The following KDM4C variants were observed in gnomAD, a reference collection of about 807,000 sequenced individuals.
KDM4C encodes lysine-specific demethylase 4C.
Under a neutral mutation model 129.3 loss-of-function variants are expected in KDM4C, and 81 were observed. The ratio of observed to expected loss-of-function variants is 0.63; its 90% CI spans 0.52 to 0.75. The LOEUF (loss-of-function observed/expected upper bound fraction) is 0.75. Ranked by LOEUF, KDM4C falls within the 30% of genes least tolerant of loss-of-function variation. KDM4C has a pLI of 0.00. For missense variants in KDM4C, 1,457 were observed against 1,304.0 expected (o/e 1.12, Z -1.81); for synonymous variants, 573 against 456.1 (o/e 1.26, Z -3.26).
chr9:7,026,560 G>C (rs770218574), intron 15 of KDM4C, among the ~76,000 whole-genome samples: 22 of 152,082 alleles, frequency 1.4e-4, no homozygotes, highest in Non-Finnish European at 2.9e-4. Flanking sequence ...AATGCCTTGG[G>C]ATAGTCTTCT....
chr9:6,861,896 C>T (rs946588384), intron 5 of KDM4C, among the ~76,000 whole-genome samples: 2 of 151,748 alleles, frequency 1.3e-5, no homozygotes, highest in East Asian at 1.9e-4. Context: ...CTCAGCCTTC[C>T]GAGTAGCTGG....
At chr9:6,823,221 T>C (rs530799452) in intron 4 of KDM4C, among the ~76,000 whole-genome samples, 1 of 152,320 alleles carries the variant, frequency 6.6e-6, no homozygotes, top group East Asian at 1.9e-4. Flanking sequence ...CTCATCTCTA[T>C]TCTCCATCGT....
rs915090473 is a variant in KDM4C, at chr9:7,049,030, C to T, written c.2316-62C>T. 10 of 1,083,266 alleles carry T rather than the reference C, an allele frequency of 9.2e-6. No individual in the cohort carries two copies. The African/African-American group carries it at 1.1e-4, about 12-fold the overall frequency. The allele number at this position is 1,083,266 out of a possible 1,614,324, so 67.1% of individuals were successfully genotyped here. On this transcript the variant is annotated intron_variant, in intron 16 of 21. Coordinates refer to ENST00000381309, the MANE Select transcript of KDM4C (RefSeq NM_015061.6). ...TTCCCATCTGTGAGAACTGGCATCA[C>T]CAAGTTGAAGTATGTAAGTTTAGGG...
chr9:6,764,787 T>C (rs530223531), intron 1 of KDM4C, among the ~76,000 whole-genome samples: 2 of 152,362 alleles, frequency 1.3e-5, no homozygotes, highest in Admixed American at 1.3e-4. Flanking sequence ...TGCTAATGAC[T>C]TCTTTTTTTA....
intron 15 of KDM4C, 58 bp downstream of exon 15, chr9:7,015,987 A>G (rs1823588162): frequency 1.6e-6 from 2 of 1,249,458 alleles, no homozygotes; most frequent in South Asian, 2.4e-5. Context: ...CACTGTGGAC[A>G]CATTTAAGTC....
chr9:7,002,969 T>C (rs555301801), intron 12 of KDM4C, among the ~76,000 whole-genome samples: 38 of 152,340 alleles, frequency 2.5e-4, no homozygotes, highest in Admixed American at 2.0e-3. Flanking sequence ...CAAGTGATTC[T>C]CCTGTCTCAG....
intron 21 of KDM4C, among the ~76,000 whole-genome samples, chr9:7,172,738 T>C (rs1039820476): frequency 6.6e-6 from 1 of 152,240 alleles, no homozygotes; most frequent in Non-Finnish European, 1.5e-5. Flanking sequence ...TCAGGCTTCC[T>C]TGTGGCTGTT....
intron 8 of KDM4C, chr9:6,941,760 C>G (rs555129372): frequency 6.6e-6 from 1 of 152,164 alleles, no homozygotes; most frequent in Non-Finnish European, 1.5e-5. Flanking sequence ...CACATTCACC[C>G]GGAAGCCTGG....
At chr9:7,090,289 G>T (rs1301717454) in intron 17 of KDM4C, among the ~76,000 whole-genome samples, 1 of 152,136 alleles carries the variant, frequency 6.6e-6, no homozygotes, top group Non-Finnish European at 1.5e-5. Flanking sequence ...GTAGCTTGTA[G>T]TAGATTTATT....
intron 8 of KDM4C, among the ~76,000 whole-genome samples, chr9:6,979,293 G>A (rs189231655): frequency 6.0e-4 from 91 of 152,238 alleles, no homozygotes; most frequent in African/African-American, 2.0e-3. Flanking sequence ...ATAATAGAAA[G>A]CAGTGGTGCA....
chr9:7,133,792 A>G (rs866166140), intron 19 of KDM4C, among the ~76,000 whole-genome samples: 5 of 152,234 alleles, frequency 3.3e-5, no homozygotes, highest in South Asian at 2.1e-4. Flanking sequence ...AGATCTGGGT[A>G]TTCCAGAGGC....
intron 5 of KDM4C, among the ~76,000 whole-genome samples, chr9:6,852,948 C>G (rs1564162580): frequency 6.6e-6 from 1 of 152,130 alleles, no homozygotes; most frequent in Non-Finnish European, 1.5e-5. Context: ...CCATCTCCCT[C>G]ATTTTCCCAC....
At chr9:6,790,641 AGATT>A (rs1447478787) in intron 1 of KDM4C, among the ~76,000 whole-genome samples, 4 of 125,834 alleles carry the variant, frequency 3.2e-5, no homozygotes, top group Admixed American at 9.0e-5. Flanking sequence ...TCTGTCAGGC[AGATT>A]AAATTCAGCA....
intron 12 of KDM4C, among the ~76,000 whole-genome samples, chr9:6,994,030 G>C (rs1002285601): frequency 2.6e-5 from 4 of 152,174 alleles, no homozygotes; most frequent in East Asian, 1.9e-4. Flanking sequence ...GATGGGGCAG[G>C]GGTATAGGGG....
intron 15 of KDM4C, among the ~76,000 whole-genome samples, chr9:7,022,029 C>G (rs201521874): frequency 3.9e-5 from 6 of 152,172 alleles, no homozygotes; most frequent in Admixed American, 2.0e-4. Context: ...TGTTTTTATG[C>G]CATTACCATG....
intron 7 of KDM4C, among the ~76,000 whole-genome samples, chr9:6,890,283 T>C (rs1845931846): frequency 6.6e-6 from 1 of 152,168 alleles, no homozygotes; most frequent in East Asian, 1.9e-4. Context: ...TAAAATGGGA[T>C]AAAAATAGTG....
chr9:6,932,732 A>G (rs1188561140), intron 8 of KDM4C, among the ~76,000 whole-genome samples: 1 of 152,180 alleles, frequency 6.6e-6, no homozygotes, highest in African/African-American at 2.4e-5. Flanking sequence ...TTTGTCTCAT[A>G]AAGGACATTT....
chr9:6,856,056 C>G (rs796988449), intron 5 of KDM4C, among the ~76,000 whole-genome samples: 5 of 152,240 alleles, frequency 3.3e-5, no homozygotes, highest in African/African-American at 1.2e-4. Flanking sequence ...AGTCTTTTAA[C>G]TAGCATGCCT....
intron 21 of KDM4C, among the ~76,000 whole-genome samples, chr9:7,172,288 G>C (rs759271216): frequency 1.7e-4 from 26 of 152,164 alleles, no homozygotes; most frequent in Non-Finnish European, 3.4e-4. Flanking sequence ...CTCAGTGATT[G>C]TGTGGGGTTC....
Sources: gnomAD v4.1 joint callset for allele counts (sites outside exome capture counted in the v4.1 genomes callset) on GRCh38, gnomAD v4.1.1 for gene constraint, MANE v1.5 for transcripts, NCBI Gene and HGNC (gene_info 2026-07-23, HGNC 2026-07-21) for gene names.